The following STARD9 variants were observed in gnomAD, a reference collection of about 807,000 sequenced individuals.
The protein encoded by STARD9 is StAR related lipid transfer domain containing 9.
Under a neutral mutation model 399.8 loss-of-function variants are expected in STARD9, and 346 were observed. The ratio of observed to expected loss-of-function variants is 0.87; its 90% confidence interval spans 0.79 to 0.95. The LOEUF is 0.95. Ranked by LOEUF, STARD9 falls within the 40% of genes least tolerant of loss-of-function variation. The pLI, the probability that STARD9 is intolerant of heterozygous loss-of-function variation, is 0.00. For synonymous variants in STARD9, 2,203 were observed against 2,143.5 expected (o/e 1.03, Z -0.77); for missense variants, 5,832 against 5,667.5 (o/e 1.03, Z -0.93).
chr15:42,690,658 C>A lies in STARD9; in HGVS notation c.9080C>A (p.Pro3027His). ...PDVHLTHGLE[P>H]KDVNREFRLT... ...GTGCACTTGACACATGGCCTTGAGCCCAAAGATGTTAACAGGGAATTTAGG... is the reference window on the plus strand; with the variant it reads ...GTGCACTTGACACATGGCCTTGAGCACAAAGATGTTAACAGGGAATTTAGG... The change falls in exon 23 of 33, where the codon CCC becomes CAC. Residue 3027 changes from proline to histidine, a missense_variant. Around this residue, in one of 2 missense-constraint regions of STARD9, gnomAD observed 5,828 missense variants for 5,651.1 expected, o/e 1.03. Transcript: ENST00000290607. The A allele has an allele frequency of 6.5e-7, 1 of 1,537,116 alleles. No homozygotes were observed. The highest frequency in any genetic ancestry group is 8.7e-7 in the Non-Finnish European group (1 of 1,146,876).
At chr15:42,605,348 A>C (rs1014293190) in intron 3 of STARD9, among the ~76,000 whole-genome samples, 1 of 152,142 alleles carries the variant, frequency 6.6e-6, no homozygotes, top group Admixed American at 6.5e-5. Context: ...CTATTTATAG[A>C]CTCACTTCCG....
rs2060782335 is a variant in STARD9, at chr15:42,694,054, CTGAG to C, written c.12477_12480del (p.Glu4160ArgfsTer85). 1.3e-6 allele frequency: 2 copies of C among 1,536,330 alleles called. No homozygotes were observed. Among genetic ancestry groups the C allele is most frequent in the Non-Finnish European group, 8.7e-7 (1 of 1,146,552 alleles). On this transcript the variant is annotated frameshift_variant, in exon 23 of 33. Transcript: ENST00000290607. LOFTEE classifies it high-confidence loss of function. ...GGCTCACCTGGGGGGTTGGACATGACTGAGGAGGAGCTGGGGGCCAGCGGTGATC... is the reference window on the plus strand; with the variant it reads ...GGCTCACCTGGGGGGTTGGACATGACGAGGAGCTGGGGGCCAGCGGTGATC...
intron 7 of STARD9, among the ~76,000 whole-genome samples, chr15:42,645,984 A>AC (rs1377657774): frequency 2.7e-5 from 4 of 149,362 alleles, no homozygotes; most frequent in South Asian, 2.1e-4. Context: ...ACGTGGTGAA[A>AC]CCCCCATATC....
At chr15:42,673,953 G>C (rs1429227538) in intron 16 of STARD9, 3 of 456,168 alleles carry the variant, frequency 6.6e-6, no homozygotes, top group Non-Finnish European at 8.8e-6. Flanking sequence ...CTTCATCTGC[G>C]GACCAAGAAG....
In STARD9 at chr15:42,575,701, G is replaced by A. The variant is rs1484544197; in HGVS notation, c.-15G>A. 2 of 1,536,470 alleles carry A rather than the reference G, an allele frequency of 1.3e-6. No homozygotes were observed. Among genetic ancestry groups the A allele is most frequent in the African/African-American group, 2.7e-5 (2 of 73,038 alleles). ...CCGCTGAGCTGACCCGCTGGACTTG[G>A]GTTGTGGCAGACGGATGGCGAACGT... is the stretch of plus-strand genomic sequence containing the variant. On this transcript the variant is annotated 5_prime_UTR_variant, in exon 1 of 33. Transcript: ENST00000290607.
chr15:42,598,360 A>G (rs751261098), intron 3 of STARD9, among the ~76,000 whole-genome samples: 4 of 151,292 alleles, frequency 2.6e-5, no homozygotes, highest in Non-Finnish European at 5.9e-5. Flanking sequence ...AGTCAAATTT[A>G]TCATCCTTTC....
chr15:42,698,040 TC>T (rs1169579920), intron 26 of STARD9, among the ~76,000 whole-genome samples: 1 of 152,218 alleles, frequency 6.6e-6, no homozygotes, highest in Non-Finnish European at 1.5e-5. Flanking sequence ...TATATTTTTT[TC>T]ACTCAGTATA....
chr15:42,618,827 C>G (rs2059026908), intron 3 of STARD9, among the ~76,000 whole-genome samples: 1 of 152,032 alleles, frequency 6.6e-6, no homozygotes, highest in Non-Finnish European at 1.5e-5. Flanking sequence ...CTGCCTCGGC[C>G]TTTCAAAGTG....
At position 42,712,970 on chromosome 15, in the gene STARD9, G is replaced by A. The variant is rs116670090; in HGVS notation, c.13285-3707G>A. On this transcript the variant is annotated intron_variant, in intron 26 of 32. Transcript: ENST00000290607. Reference sequence around the variant, plus strand: ...TCCATATGAATTTTAGGATCAGCTTGTCAATTTCTGCAAAGAAGTCAGCTG... The same window carrying A: ...TCCATATGAATTTTAGGATCAGCTTATCAATTTCTGCAAAGAAGTCAGCTG... Among the ~76,000 whole-genome samples, 1,353 of 152,300 alleles carry A rather than the reference G, an allele frequency of 8.9e-3. 16 individuals are homozygous for A. Among genetic ancestry groups the A allele is most frequent in the African/African-American group, 0.031 (1,289 of 41,554 alleles).
chr15:42,661,746 T>C (rs777015214), intron 10 of STARD9, among the ~76,000 whole-genome samples: 25 of 152,050 alleles, frequency 1.6e-4, no homozygotes, highest in Admixed American at 6.6e-5. Context: ...CGTGAGCCAC[T>C]GCACCTGGCC....
At chr15:42,674,781 T>G (rs1252169546) in intron 17 of STARD9, 46 bp from the exon 18 acceptor site, 4 of 1,487,502 alleles carry the variant, frequency 2.7e-6, no homozygotes, top group Non-Finnish European at 3.6e-6. Flanking sequence ...AGAGGGTGTT[T>G]CCCTGCATCG....
intron 26 of STARD9, among the ~76,000 whole-genome samples, chr15:42,708,555 T>G (rs2061139238): frequency 6.6e-6 from 1 of 152,262 alleles, no homozygotes; most frequent in Non-Finnish European, 1.5e-5. Flanking sequence ...TGATTCTAAC[T>G]TATTCATTTC....
At chr15:42,652,338 C>A (rs985836185) in intron 8 of STARD9, among the ~76,000 whole-genome samples, 182 bp from the exon 9 acceptor site, 1 of 152,070 alleles carries the variant, frequency 6.6e-6, no homozygotes, top group Non-Finnish European at 1.5e-5. Flanking sequence ...GATATCAGCA[C>A]CTAGAGTGCT....
In STARD9 at chr15:42,646,100, G is replaced by A. The variant is rs1451391329; in HGVS notation, c.560-4916G>A. On this transcript the variant is annotated intron_variant, in intron 7 of 32. Transcript: ENST00000290607. Reference sequence around the variant, plus strand: ...CACTTGAACCCAGAAGGCAGAGGTTGCAGTGAGCCGAGATTGTGCCACTGC... The same window carrying A: ...CACTTGAACCCAGAAGGCAGAGGTTACAGTGAGCCGAGATTGTGCCACTGC... Among the ~76,000 whole-genome samples, 4 of 152,266 alleles carry A rather than the reference G, an allele frequency of 2.6e-5. No individual in the cohort carries two copies. In the East Asian group the frequency reaches 5.8e-4, roughly 22 times the overall value.
At chr15:42,650,970 C>CAA (rs2059750865) in intron 7 of STARD9, 46 bp from the exon 8 acceptor site, 1 of 1,342,258 alleles carries the variant, frequency 7.5e-7, no homozygotes, top group Non-Finnish European at 1.0e-6. Flanking sequence ...TAAAGTTTAC[C>CAA]AAAAATCTCA....
intron 13 of STARD9, among the ~76,000 whole-genome samples, chr15:42,664,183 A>G (rs1160407877): frequency 6.6e-6 from 1 of 151,894 alleles, no homozygotes; most frequent in Admixed American, 6.6e-5. Context: ...TACCATTACT[A>G]CTCTAAGAAA....
chr15:42,694,110 C>T lies in STARD9; in HGVS notation c.12532C>T (p.Pro4178Ser), dbSNP rs1168396043. ...DLSSEKQEQS[P>S]PQPPNDHSQD... ...CAGCTCTGAAAAGCAGGAACAGAGT[C>T]CCCCACAACCTCCTAATGACCACAG... Residue 4178 changes from proline (P) to serine (S), a missense_variant, in exon 23 of 33, where the codon CCC (proline) becomes TCC (serine). Coordinates refer to ENST00000290607, the MANE Select transcript of STARD9 (RefSeq NM_020759.3). 1.1e-5 allele frequency: 17 copies of T among 1,536,936 alleles called. No individual in the cohort carries two copies. The highest frequency in any genetic ancestry group is 1.5e-5 in the Non-Finnish European group (17 of 1,146,802).
intron 3 of STARD9, among the ~76,000 whole-genome samples, chr15:42,627,079 T>C (rs1349210462): frequency 1.3e-5 from 2 of 152,102 alleles, no homozygotes; most frequent in African/African-American, 2.4e-5. Flanking sequence ...TGGATCGCTT[T>C]GAGTCCAGGA....
intron 20 of STARD9, among the ~76,000 whole-genome samples, chr15:42,680,822 C>T (rs2060412546): frequency 6.6e-6 from 1 of 152,108 alleles, no homozygotes; most frequent in Admixed American, 6.5e-5. Context: ...CTCTTGAATC[C>T]TATTCCAGGG....
Sources: gnomAD v4.1 joint callset for allele counts (sites outside exome capture counted in the v4.1 genomes callset) on GRCh38, gnomAD v4.1.1 for gene constraint, gnomAD v4.1.1 regional missense constraint, MANE v1.5 for transcripts, NCBI Gene and HGNC (gene_info 2026-07-23, HGNC 2026-07-21) for gene names.